The following ANK1 variants were observed in gnomAD, a reference collection of about 807,000 sequenced individuals.
ANK1 encodes ankyrin 1, also known as ankyrin-1.
ANK1 carries 51 observed loss-of-function variants against 210.4 expected under a neutral mutation model. The ratio of observed to expected loss-of-function variants is 0.24; its 90% CI spans 0.19 to 0.31. The LOEUF is 0.31. ANK1 is among the 10% of genes least tolerant of loss of function. The pLI, the probability that ANK1 is intolerant of heterozygous loss-of-function variation, is 1.00. For missense variants in ANK1, 2,051 were observed against 2,504.4 expected (o/e 0.82, Z 3.86); for synonymous variants, 967 against 1,025.9 (o/e 0.94, Z 1.10).
At chr8:41,876,367 G>C (rs563926169) in intron 1 of ANK1, among the ~76,000 whole-genome samples, 1 of 152,328 alleles carries the variant, frequency 6.6e-6, no homozygotes, top group African/African-American at 2.4e-5. Flanking sequence ...CAGCAGCGGC[G>C]CCTCGCCCCG....
intron 1 of ANK1, among the ~76,000 whole-genome samples, chr8:41,873,822 T>C (rs926629455): frequency 1.3e-5 from 2 of 152,190 alleles, no homozygotes; most frequent in African/African-American, 4.8e-5. Context: ...CCTTGTGCCT[T>C]TGTTGGGGAA....
intron 1 of ANK1, among the ~76,000 whole-genome samples, chr8:41,861,716 C>T (rs546944716): frequency 6.6e-6 from 1 of 152,330 alleles, no homozygotes; most frequent in Non-Finnish European, 1.5e-5. Flanking sequence ...AGCGCAGGAG[C>T]GAACCCAAGC....
In ANK1 at chr8:41,895,904, C is replaced by CCCCA. The variant is rs560815438; in HGVS notation, c.126+450_126+451insTGGG. Among the ~76,000 whole-genome samples the CCCCA allele has an allele frequency of 3.6e-3, 549 of 152,046 alleles. 4 individuals are homozygous for CCCCA. The highest frequency in any genetic ancestry group is 0.013 in the African/African-American group (529 of 41,374). On this transcript the variant is annotated intron_variant, in intron 1 of 42. Transcript: ENST00000265709. ...TAGGGAGAAGCCGGGCAGAGCTGCC[C>CCCCA]CCCCCCGGCCCGCTCCCCGGAGCCT... is the stretch of plus-strand genomic sequence containing the variant.
chr8:41,667,331 G>A (rs1287047801), intron 39 of ANK1, among the ~76,000 whole-genome samples: 2 of 152,244 alleles, frequency 1.3e-5, no homozygotes, highest in African/African-American at 4.8e-5. Flanking sequence ...AGAGAGGAAG[G>A]AGAGGAGAGG....
intron 1 of ANK1, among the ~76,000 whole-genome samples, chr8:41,890,708 C>CAAAAAAAAAAAAAAAAAAAAAA (rs557921949): frequency 3.2e-5 from 2 of 62,988 alleles, no homozygotes; most frequent in South Asian, 5.0e-4. Flanking sequence ...GACTCCGTCT[C>CAAAAAAAAAAAAAAAAAAAAAA]AAAAAAAAAA....
intron 31 of ANK1, among the ~76,000 whole-genome samples, chr8:41,691,676 T>C (rs6474359): frequency 0.099 from 15,020 of 152,198 alleles, 1,634 homozygotes; most frequent in African/African-American, 0.27. Context: ...CACAGCAGGT[T>C]ATAATGTAGA....
intron 1 of ANK1, among the ~76,000 whole-genome samples, chr8:41,824,656 G>A (rs577484675): frequency 1.4e-4 from 21 of 152,264 alleles, no homozygotes; most frequent in Admixed American, 1.4e-3. Context: ...TGTCCCCAGA[G>A]AAAGCAATCT....
chr8:41,840,497 A>G (rs1329400972), intron 1 of ANK1, among the ~76,000 whole-genome samples: 1 of 152,198 alleles, frequency 6.6e-6, no homozygotes, highest in Non-Finnish European at 1.5e-5. Flanking sequence ...ACAAACCTTT[A>G]TTCCTCACAG....
intron 1 of ANK1, among the ~76,000 whole-genome samples, chr8:41,875,504 A>G (rs1816385132): frequency 6.6e-6 from 1 of 152,158 alleles, no homozygotes; most frequent in Non-Finnish European, 1.5e-5. Context: ...GATCCATCCA[A>G]CTCCAAACTA....
intron 1 of ANK1, among the ~76,000 whole-genome samples, chr8:41,812,672 C>T (rs1330638835): frequency 6.6e-6 from 1 of 152,182 alleles, no homozygotes; most frequent in African/African-American, 2.4e-5. Context: ...GGTCCCCAAG[C>T]TTTTTGGCAC....
chr8:41,712,082 GCCCGGCTAATTT>G (rs1826301913), intron 16 of ANK1, among the ~76,000 whole-genome samples: 1 of 152,080 alleles, frequency 6.6e-6, no homozygotes, highest in South Asian at 2.1e-4. Context: ...ACGCTGCCAT[GCCCGGCTAATTT>G]TTGTATTTTT....
At chr8:41,854,757 T>G (rs1004392140) in intron 1 of ANK1, among the ~76,000 whole-genome samples, 2 of 152,056 alleles carry the variant, frequency 1.3e-5, no homozygotes, top group Non-Finnish European at 2.9e-5. Context: ...CTGGGCAACA[T>G]AGTGAGACCC....
chr8:41,841,853 T>C (rs1481576692), intron 1 of ANK1, among the ~76,000 whole-genome samples: 3 of 152,348 alleles, frequency 2.0e-5, no homozygotes, highest in South Asian at 2.1e-4. Flanking sequence ...TAACCACCTG[T>C]GGCCAGGACC....
At chr8:41,775,055 A>T (rs1586861263) in intron 1 of ANK1, among the ~76,000 whole-genome samples, 5 of 139,958 alleles carry the variant, frequency 3.6e-5, no homozygotes, top group Non-Finnish European at 8.0e-5. Context: ...GAAAATAGGG[A>T]CTCTTCTTTT....
In ANK1 at chr8:41,664,165, G is replaced by A. The variant is rs546716793; in HGVS notation, c.5395-423C>T. 381 of 458,180 alleles carry A rather than the reference G, an allele frequency of 8.3e-4. 7 individuals carry two copies. The highest frequency in any genetic ancestry group is 4.9e-3 in the South Asian group (314 of 64,596). The allele number at this position is 458,180 out of a possible 1,614,324, so 28.4% of individuals were successfully genotyped here. On this transcript the variant is annotated intron_variant, in intron 39 of 42. Transcript: ENST00000289734. ...TTGCTTGAAACCCCAGAGCCAGTTG[G>A]TGACAGAAACAGGACGATCCGGGTG...
intron 31 of ANK1, among the ~76,000 whole-genome samples, chr8:41,691,300 T>C (rs1193735763): frequency 6.6e-6 from 1 of 152,204 alleles, no homozygotes; most frequent in African/African-American, 2.4e-5. Context: ...GGAAAGCACT[T>C]GCTCTGTTTT....
chr8:41,686,014 A>C, intron 36 of ANK1, 138 bp downstream of exon 36: 1 of 1,369,468 alleles, frequency 7.3e-7, no homozygotes, highest in Non-Finnish European at 1.0e-6. Flanking sequence ...TCCTGATGCG[A>C]GTGGTGCGTG....
chr8:41,715,052 A>T lies in ANK1; in HGVS notation c.1625T>A (p.Val542Glu), dbSNP rs1403414572. 1.9e-6 allele frequency: 3 copies of T among 1,614,138 alleles called. No homozygotes were observed. The highest frequency in any genetic ancestry group is 2.5e-6 in the Non-Finnish European group (3 of 1,180,020). ...CCGCACCTTCCCGTACTTGGCCGCCACGTGCAGAGGGGTAAATCCTTTCTG... is the reference window on the plus strand; with the variant it reads ...CCGCACCTTCCCGTACTTGGCCGCCTCGTGCAGAGGGGTAAATCCTTTCTG... ...MTKKGFTPLHVAAKYGKVRVA... is the reference protein window; with the variant it reads ...MTKKGFTPLHEAAKYGKVRVA... The change falls in exon 15 of 43, where the codon GTG (valine) becomes GAG (glutamate). Residue 542 changes from valine to glutamate, a missense_variant. Physicochemically the swap from Val to Glu is moderately radical, Grantham distance 121. This residue lies in a region of ANK1 where 1,413 missense variants were observed against 1,707.4 expected (regional missense o/e 0.83). Transcript: ENST00000289734.
intron 24 of ANK1, among the ~76,000 whole-genome samples, chr8:41,697,493 A>T (rs550396792): frequency 6.6e-6 from 1 of 152,094 alleles, no homozygotes; most frequent in South Asian, 2.1e-4. Flanking sequence ...GCTCCCAGCC[A>T]CCTTGGGGCT....
Sources: allele counts gnomAD v4.1 joint callset (sites outside exome capture counted in the v4.1 genomes callset), GRCh38; gene constraint gnomAD v4.1.1; regional missense constraint gnomAD v4.1.1; transcripts MANE v1.5; gene names NCBI Gene and HGNC (gene_info 2026-07-23, HGNC 2026-07-21).